EVC: variants seen among roughly 807,000 people sequenced by gnomAD.
The protein encoded by EVC is EvC ciliary complex subunit 1, also known as evC complex member EVC.
A neutral mutation model predicts 118.9 loss-of-function variants in EVC; 116 were observed. The ratio of observed to expected loss-of-function variants is 0.98; its 90% CI spans 0.84 to 1.14. The LOEUF is 1.14. Among genes scored for constraint, EVC ranks in the 50% most tolerant of loss-of-function variants. The pLI is 0.00. For synonymous variants in EVC, 619 were observed against 534.7 expected, an observed-to-expected ratio of 1.16 and a Z score of -2.18; for missense variants, 1,401 against 1,246.4, an observed-to-expected ratio of 1.12 and a Z score of -1.87.
At position 5,797,459 on chromosome 4, in the gene EVC, G is replaced by A. The variant is rs183618512; in HGVS notation, c.2097+227G>A. 11 of 602,406 alleles carry A rather than the reference G, an allele frequency of 1.8e-5. 1 individual carries two copies. In the African/African-American group the frequency reaches 1.8e-4, roughly 10 times the overall value. The allele number at this position is 602,406 out of a possible 1,614,324, so 37.3% of individuals were successfully genotyped here. A position where few individuals can be genotyped will look rare whatever the true frequency, so the allele number is the denominator to read the frequency against. ...GAGGCCAGAATTCGGAGATCAGGGTGTGGGCAGGGCCGCTTTGATTCTGAG... is the reference window on the plus strand; with the variant it reads ...GAGGCCAGAATTCGGAGATCAGGGTATGGGCAGGGCCGCTTTGATTCTGAG... On this transcript the variant is annotated intron_variant, in intron 14 of 20. Transcript: ENST00000264956.
At chr4:5,791,618 A>C (rs1365297733) in intron 12 of EVC, among the ~76,000 whole-genome samples, 1 of 152,152 alleles carries the variant, frequency 6.6e-6, no homozygotes, top group Non-Finnish European at 1.5e-5. Flanking sequence ...AAAACTGAAG[A>C]GTAATCACCT....
At chr4:5,775,228 A>T (rs1467994029) in intron 11 of EVC, among the ~76,000 whole-genome samples, 1 of 151,846 alleles carries the variant, frequency 6.6e-6, no homozygotes, top group African/African-American at 2.4e-5. Flanking sequence ...ATCCCCACTC[A>T]TTGAAAGTGT....
chr4:5,738,120 G>C lies in EVC; in HGVS notation c.703-3596G>C, dbSNP rs1477240938. On this transcript the variant is annotated intron_variant, in intron 5 of 20. Transcript: ENST00000264956. This position sits in a 1 kb window ranked among gnomAD's most constrained non-coding sequence, Gnocchi z 6.5. ...CTTTGAGGGGATTCAGAACTTCAGT[G>C]GAGGAAGTCATTGGAAATGTGGAAA... 2.0e-5 allele frequency among the ~76,000 whole-genome samples: 3 copies of C among 152,178 alleles called. No homozygotes were observed. Among genetic ancestry groups the C allele is most frequent in the Admixed American group, 6.5e-5 (1 of 15,282 alleles).
intron 12 of EVC, among the ~76,000 whole-genome samples, chr4:5,784,035 A>C (rs1242683853): frequency 6.6e-6 from 1 of 152,188 alleles, no homozygotes; most frequent in East Asian, 1.9e-4. Flanking sequence ...AGAAATAAGT[A>C]GCCAACCAAA....
In EVC at chr4:5,783,636, C is replaced by G. The variant is rs778234206; in HGVS notation, c.1648C>G (p.Pro550Ala). 1 of 1,614,178 alleles carries G rather than the reference C, an allele frequency of 6.2e-7. No individual in the cohort carries two copies. The highest frequency in any genetic ancestry group is 1.1e-5 in the South Asian group (1 of 91,084). The change falls in exon 12 of 21, where the codon CCC becomes GCC. Residue 550 changes from proline (P) to alanine (A), a missense_variant. Physicochemically the swap from Pro to Ala is conservative, Grantham distance 27. Coordinates refer to ENST00000264956, the MANE Select transcript of EVC (RefSeq NM_153717.3). ...GACGCTCCCTGGCATGACTGGCCTC[C>G]CCCCGGAAGAGTGTGACTACTTGAG... ...LQTLPGMTGL[P>A]PEECDYLRQE...
the EVC span, chr4:5,821,566 G>T: frequency 1.7e-6 from 1 of 591,416 alleles, no homozygotes; most frequent in Non-Finnish European, 3.0e-6. This position sits in a 1 kb window ranked among gnomAD's most constrained non-coding sequence, Gnocchi z 4.4. Flanking sequence ...CACAACTGTG[G>T]GGCAAGGAAT....
At chr4:5,748,527 T>A (rs374735069) in intron 8 of EVC, among the ~76,000 whole-genome samples, 78 of 148,788 alleles carry the variant, frequency 5.2e-4, no homozygotes, top group African/African-American at 1.7e-3. Flanking sequence ...CATCCATCCA[T>A]CCATCTACCC....
At chr4:5,786,693 G>A (rs1711681047) in intron 12 of EVC, among the ~76,000 whole-genome samples, 1 of 152,100 alleles carries the variant, frequency 6.6e-6, no homozygotes, top group African/African-American at 2.4e-5. Flanking sequence ...CTAACATGGT[G>A]AAACCCCGTC....
chr4:5,781,429 G>A (rs1342763886), intron 11 of EVC, among the ~76,000 whole-genome samples: 2 of 152,158 alleles, frequency 1.3e-5, no homozygotes, highest in East Asian at 1.9e-4. Context: ...AAATGCCCAT[G>A]TTAGTGGCCC....
intron 11 of EVC, among the ~76,000 whole-genome samples, chr4:5,768,377 T>A (rs115208278): frequency 0.022 from 3,361 of 152,150 alleles, 43 homozygotes; most frequent in Middle Eastern, 0.068. Context: ...GTGGCCCGTG[T>A]AAGAGATGGT....
intron 17 of EVC, among the ~76,000 whole-genome samples, chr4:5,806,676 A>G (rs1437050183): frequency 6.6e-6 from 1 of 152,140 alleles, no homozygotes; most frequent in African/African-American, 2.4e-5. Flanking sequence ...TTTCTGATAT[A>G]CTGATTTATT....
At chr4:5,728,830 T>C (rs1726292574) in intron 2 of EVC, among the ~76,000 whole-genome samples, 1 of 152,248 alleles carries the variant, frequency 6.6e-6, no homozygotes, top group Admixed American at 6.5e-5. Flanking sequence ...TCTTGTTAAT[T>C]AGTCTTAAGT....
intron 12 of EVC, among the ~76,000 whole-genome samples, chr4:5,793,050 A>C (rs910482186): frequency 6.6e-6 from 1 of 152,152 alleles, no homozygotes; most frequent in African/African-American, 2.4e-5. Context: ...CTGATCCTAA[A>C]AGTCATATGA....
chr4:5,741,790 G>C lies in EVC; in HGVS notation c.777G>C (p.Gln259His). 1 of 1,527,360 alleles carries C rather than the reference G, an allele frequency of 6.5e-7. No individual in the cohort carries two copies. Among genetic ancestry groups the C allele is most frequent in the Non-Finnish European group, 9.1e-7 (1 of 1,102,776 alleles). The allele number at this position is 1,527,360 out of a possible 1,614,324, so 94.6% of individuals were successfully genotyped here. Reference sequence around the variant, plus strand: ...AGAAGTCAGATGATGAACTATACCAGAAGATCCTTTCAAAACAAGAAAAAG... The same window carrying C: ...AGAAGTCAGATGATGAACTATACCACAAGATCCTTTCAAAACAAGAAAAAG... ...PKKKSDDELY[Q>H]KILSKQEKDL... The change falls in exon 6 of 21, where the codon CAG (glutamine) becomes CAC (histidine). Residue 259 changes from glutamine to histidine, a missense_variant. Gln to His is a conservative substitution (Grantham distance 24, BLOSUM62 0). Coordinates refer to ENST00000264956, the MANE Select transcript of EVC (RefSeq NM_153717.3).
At position 5,737,586 on chromosome 4, in the gene EVC, C is replaced by T. The variant is rs1053871018; in HGVS notation, c.703-4130C>T. On this transcript the variant is annotated intron_variant, in intron 5 of 20. Coordinates refer to ENST00000264956, the MANE Select transcript of EVC (RefSeq NM_153717.3). The surrounding 1 kb of genome is among the most constrained non-coding windows in gnomAD (Gnocchi z 5.0). ...TTAAGTTGAAGCCAGTGCTCATGCA[C>T]CACTCCGAAAGTCCTAGGGCCCTTA... Among the ~76,000 whole-genome samples the T allele has an allele frequency of 6.6e-6, 1 of 152,220 alleles. No individual in the cohort carries two copies. The highest frequency in any genetic ancestry group is 2.4e-5 in the African/African-American group (1 of 41,450).
chr4:5,793,941 T>G (rs1713275279), intron 13 of EVC, among the ~76,000 whole-genome samples: 2 of 152,136 alleles, frequency 1.3e-5, no homozygotes, highest in African/African-American at 4.8e-5. Flanking sequence ...ACAGCTTTTT[T>G]CAGGTATAGT....
At position 5,798,518 on chromosome 4, in the gene EVC, C is replaced by T. The variant is rs1714383120; in HGVS notation, c.2098-68C>T. 2.7e-6 allele frequency: 4 copies of T among 1,491,788 alleles called. No individual in the cohort carries two copies. Among genetic ancestry groups the T allele is most frequent in the East Asian group, 2.5e-5 (1 of 40,636 alleles). The allele number at this position is 1,491,788 out of a possible 1,614,324, so 92.4% of individuals were successfully genotyped here. ...CCCTGGATAGGACCAGCCCCACATC[C>T]CAGTCCTGGCCAGAGCTTCTCTGTG... On this transcript the variant is annotated intron_variant, in intron 14 of 20. Transcript: ENST00000264956. This position sits in a 1 kb window ranked among gnomAD's most constrained non-coding sequence, Gnocchi z 4.1.
rs112592757 is a variant in EVC, at chr4:5,729,400, C to G, written c.384+10C>G. Reference sequence around the variant, plus strand: ...CAATCAGAAGTTCCGGGTGAGAGTCCTGAGCTCCATCATAGAAAGCCAGTT... The same window carrying G: ...CAATCAGAAGTTCCGGGTGAGAGTCGTGAGCTCCATCATAGAAAGCCAGTT... On this transcript the variant is annotated intron_variant, in intron 3 of 20. Coordinates refer to ENST00000264956, the MANE Select transcript of EVC (RefSeq NM_153717.3). The G allele has an allele frequency of 1.9e-6, 3 of 1,613,198 alleles. No individual in the cohort carries two copies. The highest frequency in any genetic ancestry group is 2.5e-6 in the Non-Finnish European group (3 of 1,179,344).
In EVC at chr4:5,724,090, G is replaced by A. The variant is rs145744850; in HGVS notation, c.300+4717G>A. On this transcript the variant is annotated intron_variant, in intron 2 of 20. Transcript: ENST00000264956. ...GTTAACCTCTGATCCTCAGTTCGCA[G>A]CACCATAAGGTGGGCATGATAATAA... 6.9e-3 allele frequency among the ~76,000 whole-genome samples: 1,055 copies of A among 152,326 alleles called. 13 individuals carry two copies. The highest frequency in any genetic ancestry group is 0.024 in the African/African-American group (999 of 41,574).
Sources: allele counts gnomAD v4.1 joint callset (sites outside exome capture counted in the v4.1 genomes callset), GRCh38; gene constraint gnomAD v4.1.1; non-coding constraint Gnocchi (gnomAD v3.1); transcripts MANE v1.5; gene names NCBI Gene and HGNC (gene_info 2026-07-23, HGNC 2026-07-21).